FRS2: variants seen among roughly 807,000 people sequenced by gnomAD.
FRS2 encodes FGFR signalling adaptor.
In FRS2, 8 loss-of-function variants were observed where a neutral mutation model predicts 43.9. That is an observed-to-expected ratio of 0.18 (90% confidence interval 0.11 to 0.33). FRS2 has a LOEUF of 0.33. Ranked by LOEUF, FRS2 falls within the 10% of genes least tolerant of loss-of-function variation. The pLI is 1.00. For missense variants in FRS2, 534 were observed against 627.6 expected (o/e 0.85, Z 1.59); for synonymous variants, 219 against 220.3 (o/e 0.99, Z 0.05).
intron 1 of FRS2, among the ~76,000 whole-genome samples, chr12:69,482,347 C>G (rs1592914012): frequency 6.6e-6 from 1 of 152,282 alleles, no homozygotes; most frequent in Middle Eastern, 3.4e-3. Flanking sequence ...CTAAGGTAAA[C>G]TTTTACATTG....
At chr12:69,523,624 T>TA (rs769404723) in intron 1 of FRS2, among the ~76,000 whole-genome samples, 29 of 152,340 alleles carry the variant, frequency 1.9e-4, no homozygotes, top group Non-Finnish European at 3.5e-4. Context: ...ATCATGATGT[T>TA]AACTTGTTAT....
intron 3 of FRS2, among the ~76,000 whole-genome samples, chr12:69,549,313 AAAT>A (rs551029660): frequency 3.5e-4 from 53 of 152,298 alleles, no homozygotes; most frequent in South Asian, 1.9e-3. Flanking sequence ...ATAACTTCAG[AAAT>A]AATAACTTAA....
At chr12:69,477,246 A>T (rs570210350) in intron 1 of FRS2, among the ~76,000 whole-genome samples, 1 of 147,696 alleles carries the variant, frequency 6.8e-6, no homozygotes, top group South Asian at 2.2e-4. Flanking sequence ...GCTATCTTAC[A>T]TGCATGTCGA....
chr12:69,568,251 C>G (rs1593068056), intron 4 of FRS2, among the ~76,000 whole-genome samples: 1 of 152,210 alleles, frequency 6.6e-6, no homozygotes, highest in African/African-American at 2.4e-5. Flanking sequence ...TTGTCTTTCT[C>G]TCTTACCAAT....
At chr12:69,478,251 A>G (rs994185724) in intron 1 of FRS2, among the ~76,000 whole-genome samples, 33 of 152,256 alleles carry the variant, frequency 2.2e-4, no homozygotes, top group South Asian at 6.2e-4. Context: ...AAAATTATCA[A>G]TGTATTTCTA....
chr12:69,514,041 A>T (rs1253649768), intron 1 of FRS2, among the ~76,000 whole-genome samples: 2 of 152,164 alleles, frequency 1.3e-5, no homozygotes, highest in South Asian at 2.1e-4. Flanking sequence ...CTTTGGAGAG[A>T]TGGAAAATTG....
At chr12:69,545,672 C>A (rs1438713959) in intron 3 of FRS2, among the ~76,000 whole-genome samples, 1 of 144,576 alleles carries the variant, frequency 6.9e-6, no homozygotes, top group African/African-American at 2.5e-5. Flanking sequence ...AGGAGAATTG[C>A]TTGAACCCAG....
rs375783244 is a variant in FRS2 at position 69,509,462 on chromosome 12, C to T, written c.-260-21403C>T. Among the ~76,000 whole-genome samples, 25 of 152,260 alleles carry T rather than the reference C, an allele frequency of 1.6e-4. No individual in the cohort carries two copies. In the East Asian group the frequency reaches 2.7e-3, roughly 16 times the overall value. ...TGGTAAAATATAATAACAAAATTTA[C>T]GGCTACAACCATTTTAAAGTGTACA... On this transcript the variant is annotated intron_variant, in intron 1 of 8. Coordinates refer to ENST00000549921, the MANE Select transcript of FRS2 (RefSeq NM_001278356.2).
At chr12:69,546,710 T>TA (rs1878443691) in intron 3 of FRS2, among the ~76,000 whole-genome samples, 1 of 152,108 alleles carries the variant, frequency 6.6e-6, no homozygotes. Flanking sequence ...TACTATTTTT[T>TA]AAAAAATAGA....
At chr12:69,539,737 C>T (rs1012131433) in intron 3 of FRS2, among the ~76,000 whole-genome samples, 5 of 151,048 alleles carry the variant, frequency 3.3e-5, no homozygotes, top group South Asian at 2.1e-4. Flanking sequence ...GGGCAAATCA[C>T]GAGGTCAGGA....
intron 1 of FRS2, among the ~76,000 whole-genome samples, chr12:69,475,824 CAG>C (rs748592324): frequency 3.9e-5 from 6 of 152,086 alleles, no homozygotes; most frequent in East Asian, 1.9e-4. Flanking sequence ...CAGTTCATGA[CAG>C]AGTTTTCCTT....
intron 3 of FRS2, among the ~76,000 whole-genome samples, chr12:69,546,171 G>A (rs2135720837): frequency 6.6e-6 from 1 of 152,238 alleles, no homozygotes; most frequent in South Asian, 2.1e-4. Flanking sequence ...AGGCCAGTAA[G>A]CATATGAAAA....
chr12:69,473,659 C>T (rs1209310694), intron 1 of FRS2, among the ~76,000 whole-genome samples: 1 of 152,050 alleles, frequency 6.6e-6, no homozygotes, highest in Non-Finnish European at 1.5e-5. Context: ...GAGAAGTTAC[C>T]AAGGTCTAAT....
intron 1 of FRS2, among the ~76,000 whole-genome samples, chr12:69,522,593 T>C (rs1402685831): frequency 2.6e-5 from 4 of 152,192 alleles, no homozygotes; most frequent in Non-Finnish European, 5.9e-5. Flanking sequence ...CTCAGTCTAC[T>C]TTGGTTCAGC....
intron 3 of FRS2, among the ~76,000 whole-genome samples, chr12:69,553,106 C>T (rs980141433): frequency 6.6e-6 from 1 of 152,074 alleles, no homozygotes; most frequent in African/African-American, 2.4e-5. Flanking sequence ...CAGTCTCACT[C>T]TGTTGCCCAG....
intron 1 of FRS2, among the ~76,000 whole-genome samples, chr12:69,472,039 A>G (rs1345335102): frequency 6.6e-6 from 1 of 152,142 alleles, no homozygotes; most frequent in Non-Finnish European, 1.5e-5. Context: ...CTTGGAAAAA[A>G]TTGTGGAGAG....
chr12:69,483,780 T>C (rs1366496472), intron 1 of FRS2, among the ~76,000 whole-genome samples: 1 of 152,188 alleles, frequency 6.6e-6, no homozygotes, highest in African/African-American at 2.4e-5. Context: ...GTTATTTCCT[T>C]AAGGTAGGTT....
At chr12:69,512,739 A>G (rs1038679324) in intron 1 of FRS2, among the ~76,000 whole-genome samples, 35 of 152,188 alleles carry the variant, frequency 2.3e-4, no homozygotes, top group African/African-American at 7.5e-4. Flanking sequence ...CTAGAAATGA[A>G]GTTATAGACA....
At chr12:69,524,481 A>G (rs891374674) in intron 1 of FRS2, among the ~76,000 whole-genome samples, 2 of 152,000 alleles carry the variant, frequency 1.3e-5, no homozygotes, top group African/African-American at 4.8e-5. Flanking sequence ...ATGGCCTGCC[A>G]GTGCAGGAGC....
Sources: gnomAD v4.1 joint callset for allele counts (sites outside exome capture counted in the v4.1 genomes callset) on GRCh38, gnomAD v4.1.1 for gene constraint, MANE v1.5 for transcripts, NCBI Gene and HGNC (gene_info 2026-07-23, HGNC 2026-07-21) for gene names.